Variants in IQSEC3 observed in about 807,000 individuals in gnomAD.
IQSEC3 encodes IQ motif and Sec7 domain ArfGEF 3, also known as IQ motif and SEC7 domain-containing protein 3.
A neutral mutation model predicts 105.4 loss-of-function variants in IQSEC3; 50 were observed. The ratio of observed to expected loss-of-function variants is 0.47; its 90% CI spans 0.38 to 0.60. IQSEC3 has a LOEUF of 0.60. IQSEC3 is among the 20% of genes least tolerant of loss of function. IQSEC3 has a pLI of 0.00. For missense variants in IQSEC3, 1,415 were observed against 1,630.0 expected, an observed-to-expected ratio of 0.87 and a Z score of 2.27; for synonymous variants, 708 against 746.0, an observed-to-expected ratio of 0.95 and a Z score of 0.83.
chr12:85,997 A>T (rs1344660062), intron 1 of IQSEC3, among the ~76,000 whole-genome samples: 1 of 152,222 alleles, frequency 6.6e-6, no homozygotes, highest in Non-Finnish European at 1.5e-5. Context: ...GCTCTAAGCC[A>T]TGTGCCAGGC....
chr12:166,784 C>G (rs1045182390), intron 11 of IQSEC3: 6 of 152,182 alleles, frequency 3.9e-5, no homozygotes, highest in African/African-American at 1.4e-4. Flanking sequence ...CAGGCTGGTG[C>G]TTTTGAATCA....
intron 2 of IQSEC3, among the ~76,000 whole-genome samples, chr12:123,723 G>A (rs576332595): frequency 1.6e-4 from 24 of 152,132 alleles, no homozygotes; most frequent in African/African-American, 5.1e-4. Flanking sequence ...AGTGGAAGCC[G>A]CAGGAAGAGG....
At chr12:118,657 C>T (rs554389055) in intron 2 of IQSEC3, among the ~76,000 whole-genome samples, 1 of 152,310 alleles carries the variant, frequency 6.6e-6, no homozygotes, top group Non-Finnish European at 1.5e-5. Flanking sequence ...AGCCCTCAAG[C>T]TCCTGCTCTG....
chr12:130,127 GCT>G (rs1555084538), intron 3 of IQSEC3, among the ~76,000 whole-genome samples: 3 of 152,188 alleles, frequency 2.0e-5, no homozygotes, highest in Non-Finnish European at 4.4e-5. Context: ...CTGCACAGCT[GCT>G]CTGTCGCAGG....
Position 161,964 on chromosome 12 carries a change from G to A in IQSEC3, c.2482G>A (p.Val828Ile). 1.2e-6 allele frequency: 2 copies of A among 1,613,410 alleles called. No individual in the cohort carries two copies. The highest frequency in any genetic ancestry group is 1.7e-6 in the Non-Finnish European group (2 of 1,179,794). ...CGCTGACATCCCCAGGGAGCTGGTG[G>A]TAGGCATCTATGAGAGGATACAGCA... is the stretch of plus-strand genomic sequence containing the variant. The part of the protein sequence containing the change: ...DGADIPRELV[V>I]GIYERIQQKE... Residue 828 changes from valine (V) to isoleucine (I), a missense_variant, in exon 8 of 14, where the codon GTA becomes ATA. By Grantham distance (29) the Val-to-Ile change is conservative (BLOSUM62 3). Transcript: ENST00000538872.
intron 5 of IQSEC3, among the ~76,000 whole-genome samples, chr12:153,471 G>A (rs908485668): frequency 1.3e-5 from 2 of 152,166 alleles, no homozygotes; most frequent in Non-Finnish European, 2.9e-5. Flanking sequence ...GCTCTCCAGT[G>A]AGGAAGTGCC....
At chr12:87,337 A>G (rs1288968309) in intron 1 of IQSEC3, among the ~76,000 whole-genome samples, 2 of 152,166 alleles carry the variant, frequency 1.3e-5, no homozygotes, top group African/African-American at 4.8e-5. Context: ...ATGCAAAAAA[A>G]GTACTAGGAA....
intron 2 of IQSEC3, among the ~76,000 whole-genome samples, chr12:112,157 A>G (rs1420394717): frequency 1.3e-5 from 2 of 152,176 alleles, no homozygotes; most frequent in African/African-American, 4.8e-5. Context: ...TCAGGGGCTC[A>G]TAAAGTATTT....
intron 5 of IQSEC3, chr12:147,764 G>A (rs531528173): frequency 3.9e-5 from 6 of 152,272 alleles, no homozygotes; most frequent in African/African-American, 1.2e-4. Flanking sequence ...TTACCTTGGC[G>A]TTATTTGCTA....
chr12:99,236 C>T, intron 2 of IQSEC3, 22 bp downstream of exon 2: 1 of 1,593,544 alleles, frequency 6.3e-7, no homozygotes, highest in Non-Finnish European at 8.5e-7. Flanking sequence ...GGCCCTTCCT[C>T]CCTTCCGCAT....
At chr12:97,048 C>G (rs1382985683) in intron 1 of IQSEC3, among the ~76,000 whole-genome samples, 2 of 152,152 alleles carry the variant, frequency 1.3e-5, no homozygotes, top group Non-Finnish European at 2.9e-5. Context: ...TGGCATTTTC[C>G]TATTTACTAG....
intron 3 of IQSEC3, among the ~76,000 whole-genome samples, chr12:137,036 G>A (rs11610625): frequency 0.36 from 53,828 of 151,242 alleles, 11,166 homozygotes; most frequent in Non-Finnish European, 0.47. Flanking sequence ...CCATGCCCCC[G>A]AGCCCACCCC....
intron 13 of IQSEC3, among the ~76,000 whole-genome samples, chr12:172,086 TC>T (rs1939031898): frequency 6.6e-6 from 1 of 152,022 alleles, no homozygotes; most frequent in Non-Finnish European, 1.5e-5. Flanking sequence ...TACAGACACC[TC>T]CCTTCGCAAC....
intron 1 of IQSEC3, among the ~76,000 whole-genome samples, chr12:73,630 AC>A (rs1351651593): frequency 1.5e-3 from 229 of 152,108 alleles, no homozygotes; most frequent in Non-Finnish European, 2.0e-3. Flanking sequence ...AGATTGCGCC[AC>A]TGCACTCCAG....
intron 2 of IQSEC3, among the ~76,000 whole-genome samples, chr12:110,264 A>T (rs1473862829): frequency 5.3e-5 from 8 of 151,678 alleles, no homozygotes; most frequent in Admixed American, 4.6e-4. Flanking sequence ...CCACCTATCA[A>T]TCTTTTGCAG....
At chr12:127,047 C>T (rs1555083729) in intron 3 of IQSEC3, among the ~76,000 whole-genome samples, 1 of 152,150 alleles carries the variant, frequency 6.6e-6, no homozygotes, top group African/African-American at 2.4e-5. Flanking sequence ...TGTTCTCAAA[C>T]CGAATTATCC....
intron 1 of IQSEC3, among the ~76,000 whole-genome samples, chr12:97,066 C>T (rs2136913347): frequency 6.6e-6 from 1 of 152,332 alleles, no homozygotes; most frequent in Non-Finnish European, 1.5e-5. Context: ...TAGTAAGCAT[C>T]TTTCCATTGG....
At chr12:126,944 G>A (rs1450637916) in intron 3 of IQSEC3, among the ~76,000 whole-genome samples, 1 of 150,762 alleles carries the variant, frequency 6.6e-6, no homozygotes, top group East Asian at 1.9e-4. Flanking sequence ...GCTGTAGGCA[G>A]CACATCAGTA....
chr12:141,040 CTT>C (rs1865999326), intron 4 of IQSEC3, 82 bp from the exon 5 acceptor site: 88 of 1,394,984 alleles, frequency 6.3e-5, no homozygotes, highest in Non-Finnish European at 8.6e-5. Context: ...CCTCTGGGTA[CTT>C]CTATGGGTGG....
Sources: gnomAD v4.1 joint callset for allele counts (sites outside exome capture counted in the v4.1 genomes callset) on GRCh38, gnomAD v4.1.1 for gene constraint, MANE v1.5 for transcripts, NCBI Gene and HGNC (gene_info 2026-07-23, HGNC 2026-07-21) for gene names.